Variants in LRIG2 observed in about 807,000 individuals in gnomAD.
LRIG2 encodes leucine rich repeats and immunoglobulin like domains 2.
LRIG2 carries 93 observed loss-of-function variants against 107.8 expected under a neutral mutation model. The ratio of observed to expected loss-of-function variants is 0.86; its 90% CI spans 0.73 to 1.03. The LOEUF is 1.03. Among genes scored for constraint, LRIG2 ranks in the 50% least tolerant of loss-of-function variants. The pLI is 0.00. For synonymous variants in LRIG2, 471 were observed against 470.6 expected (o/e 1.00, Z -0.01); for missense variants, 1,226 against 1,296.0 (o/e 0.95, Z 0.83).
chr1:113,119,667 C>A, intron 17 of LRIG2, 144 bp downstream of exon 17: 1 of 736,242 alleles, frequency 1.4e-6, no homozygotes, highest in Non-Finnish European at 2.2e-6. Flanking sequence ...ATGGTATAAA[C>A]TATAGCCAGA....
rs900502149 is a variant in LRIG2, at chr1:113,127,372, C to A, written c.*3271C>A. On this transcript the variant is annotated 3_prime_UTR_variant, in exon 18 of 18. Transcript: ENST00000361127. ...GTAGCTGGGATTACAGGCACACCAC[C>A]ATTTCCAGCTTTTTTTTTTTTTTTT... The A allele has an allele frequency of 2.8e-5, 4 of 142,364 alleles. No individual in the cohort carries two copies. The highest frequency in any genetic ancestry group is 1.0e-4 in the African/African-American group (4 of 38,490). The allele number at this position is 142,364 out of a possible 1,614,324, so 8.8% of individuals were successfully genotyped here. A position where few individuals can be genotyped will look rare whatever the true frequency, so the allele number is the denominator to read the frequency against.
In LRIG2 at chr1:113,098,729, A is replaced by G. The variant is rs748622971; in HGVS notation, c.1116A>G (p.Ser372=). ...QTLDLRNNEI[S]WAIEDASEAF... is the part of the protein sequence containing the mutation. ...GAGACTTAAGAAACAATGAAATTTC[A>G]TGGGCCATAGAAGATGCTAGTGAAG... Residue 372 remains serine, a synonymous_variant, in exon 9 of 18, where the codon TCA becomes TCG. Coordinates refer to ENST00000361127, the MANE Select transcript of LRIG2 (RefSeq NM_014813.3). 3 of 1,612,538 alleles carry G rather than the reference A, an allele frequency of 1.9e-6. No individual in the cohort carries two copies. Among genetic ancestry groups the G allele is most frequent in the East Asian group, 4.5e-5 (2 of 44,854 alleles).
intron 1 of LRIG2, among the ~76,000 whole-genome samples, chr1:113,079,990 A>C (rs1041302287): frequency 1.7e-4 from 24 of 145,226 alleles, no homozygotes; most frequent in Non-Finnish European, 3.1e-4. Context: ...AGTCTCCCAA[A>C]GTGCTGGGAG....
chr1:113,098,925 G>C, intron 9 of LRIG2, 140 bp downstream of exon 9: 1 of 584,868 alleles, frequency 1.7e-6, no homozygotes, highest in Non-Finnish European at 3.0e-6. Context: ...GGGTTTCTTT[G>C]TTTGTTTGTT....
At chr1:113,109,689 T>C (rs1386511107) in intron 12 of LRIG2, among the ~76,000 whole-genome samples, 1 of 152,090 alleles carries the variant, frequency 6.6e-6, no homozygotes, top group Non-Finnish European at 1.5e-5. Flanking sequence ...TGGGTAATTT[T>C]TGTGTTTTTA....
intron 8 of LRIG2, among the ~76,000 whole-genome samples, chr1:113,097,508 A>G (rs1334812539): frequency 6.6e-6 from 1 of 152,240 alleles, no homozygotes; most frequent in Non-Finnish European, 1.5e-5. Flanking sequence ...AAAAATTAAA[A>G]GTGATTGTAT....
intron 1 of LRIG2, among the ~76,000 whole-genome samples, chr1:113,076,611 C>T (rs1379687244): frequency 6.6e-6 from 1 of 152,170 alleles, no homozygotes; most frequent in South Asian, 2.1e-4. Context: ...CATTCTTCAG[C>T]AGTTGCCTTT....
At position 113,091,381 on chromosome 1, in the gene LRIG2, AGT is replaced by A. The variant is rs1653817932; in HGVS notation, c.305+1_305+2del. 1.9e-6 allele frequency: 3 copies of A among 1,573,116 alleles called. No homozygotes were observed. Among genetic ancestry groups the A allele is most frequent in the Non-Finnish European group, 2.6e-6 (3 of 1,153,088 alleles). Reference sequence around the variant, plus strand: ...GCTTGGAATCACAAACATTACAGGAAGTGTAAGTTATTTTTATTTATTTAAAG... The same window carrying A: ...GCTTGGAATCACAAACATTACAGGAAGTAAGTTATTTTTATTTATTTAAAG... ...ISLESQTLQE[V>X]KMNYNELTEI... On this transcript the variant is annotated frameshift_variant and splice_region_variant, in exon 2 of 18. Coordinates refer to ENST00000361127, the MANE Select transcript of LRIG2 (RefSeq NM_014813.3). LOFTEE classifies it high-confidence loss of function.
Position 113,096,309 on chromosome 1 carries a change from C to T in LRIG2, c.1035C>T (p.Asn345=), listed in dbSNP as rs1290474155. The T allele has an allele frequency of 1.2e-6, 2 of 1,613,988 alleles. No individual in the cohort carries two copies. The highest frequency in any genetic ancestry group is 8.5e-7 in the Non-Finnish European group (1 of 1,179,954). The stretch of plus-strand genomic sequence containing the variant: ...TGGAGAGATTGAATTTAGGAGACAA[C>T]AGAGTCACTCATATTGCTGATGGTG... ...SLLERLNLGD[N]RVTHIADGVF... The change falls in exon 8 of 18, where the codon AAC becomes AAT. Residue 345 remains asparagine, a synonymous_variant. Coordinates refer to ENST00000361127, the MANE Select transcript of LRIG2 (RefSeq NM_014813.3).
intron 15 of LRIG2, 133 bp downstream of exon 15, chr1:113,115,009 T>C: frequency 1.3e-6 from 1 of 788,398 alleles, no homozygotes; most frequent in Non-Finnish European, 2.0e-6. Flanking sequence ...CTCAGGAGGA[T>C]GAGGTGGGAG....
rs1216799 is a variant in LRIG2 at position 113,128,391 on chromosome 1, A to G, written c.*4290A>G. 148,298 of 152,258 alleles carry G rather than the reference A, an allele frequency of 0.97. 72,333 individuals carry two copies. Among genetic ancestry groups the G allele is most frequent in the East Asian group, 1 (5,174 of 5,174 alleles). The allele number at this position is 152,258 out of a possible 1,614,324, so 9.4% of individuals were successfully genotyped here. ...CCTTGTACGCTTCCTGAGTCTGCTT[A>G]TTACTGGCTTTGTAATCAAGGGTGA... On this transcript the variant is annotated 3_prime_UTR_variant, in exon 18 of 18. Coordinates refer to ENST00000361127, the MANE Select transcript of LRIG2 (RefSeq NM_014813.3).
chr1:113,094,786 G>A (rs777855514), intron 6 of LRIG2, 31 bp downstream of exon 6: 1 of 1,601,384 alleles, frequency 6.2e-7, no homozygotes, highest in Admixed American at 1.7e-5. Context: ...GTGATTATTA[G>A]GAAAGTAGTC....
chr1:113,112,775 C>T lies in LRIG2; in HGVS notation c.2080+15C>T. On this transcript the variant is annotated intron_variant, in intron 14 of 17. Transcript: ENST00000361127. ...AACAGTGTTAGGTACGTTTACTGCT[C>T]CATGGGTCCCTGCTTTTGTTGGAGT... 6.3e-7 allele frequency: 1 copy of T among 1,575,580 alleles called. No individual in the cohort carries two copies. The highest frequency in any genetic ancestry group is 8.7e-7 in the Non-Finnish European group (1 of 1,153,836).
intron 15 of LRIG2, among the ~76,000 whole-genome samples, chr1:113,115,750 T>C (rs932678701): frequency 4.6e-5 from 7 of 152,132 alleles, no homozygotes; most frequent in African/African-American, 1.7e-4. Flanking sequence ...ATGGTCTCAA[T>C]CTTTTGACCT....
chr1:113,084,829 G>T (rs1037226550), intron 1 of LRIG2, among the ~76,000 whole-genome samples: 1 of 152,154 alleles, frequency 6.6e-6, no homozygotes, highest in Non-Finnish European at 1.5e-5. Context: ...TAAAGGCTTA[G>T]CAAAATGTTT....
rs574137497 is a variant in LRIG2, at chr1:113,107,654, G to T, written c.1374G>T (p.Leu458Phe). ...ATTTGAAGTGGCTACTTCAATGGTT[G>T]GTTGATAATAACTTTCAACATTCTG... ...DCHLKWLLQW[L>F]VDNNFQHSVN... The change falls in exon 12 of 18, where the codon TTG becomes TTT. Residue 458 changes from leucine to phenylalanine, a missense_variant. By Grantham distance (22) the Leu-to-Phe change is conservative (BLOSUM62 0). This residue lies in a region of LRIG2 where 570 missense variants were observed against 550.2 expected (regional missense o/e 1.04). Transcript: ENST00000361127. 5.6e-6 allele frequency: 9 copies of T among 1,613,812 alleles called. No homozygotes were observed. The African/African-American group carries it at 1.1e-4, about 19-fold the overall frequency.
rs200543102 is a variant in LRIG2, at chr1:113,116,368, A to T, written c.2612A>T (p.Asn871Ile). ...TCTGAGCCACAGGAAGGCTACAGCAACTCTGAGGCAGGCAGTCATCAGCAA... is the reference window on the plus strand; with the variant it reads ...TCTGAGCCACAGGAAGGCTACAGCATCTCTGAGGCAGGCAGTCATCAGCAA... ...TLSEPQEGYS[N>I]SEAGSHQQLM... The change falls in exon 16 of 18, where the codon AAC becomes ATC. Residue 871 changes from asparagine (N) to isoleucine (I), a missense_variant. Transcript: ENST00000361127. The T allele has an allele frequency of 1.2e-6, 2 of 1,613,858 alleles. No individual in the cohort carries two copies. The highest frequency in any genetic ancestry group is 1.7e-6 in the Non-Finnish European group (2 of 1,179,942).
At chr1:113,116,212 C>G in intron 15 of LRIG2, 75 bp from the exon 16 acceptor site, 1 of 1,336,316 alleles carries the variant, frequency 7.5e-7, no homozygotes, top group South Asian at 1.4e-5. Flanking sequence ...CAAAGTGGAA[C>G]ACATTTGCAA....
intron 1 of LRIG2, among the ~76,000 whole-genome samples, chr1:113,083,369 G>A (rs931946817): frequency 5.3e-5 from 6 of 113,966 alleles, no homozygotes; most frequent in African/African-American, 1.6e-4. Context: ...TTTTTGAGAC[G>A]GAGTCTTGTT....
Sources: gnomAD v4.1 joint callset for allele counts (sites outside exome capture counted in the v4.1 genomes callset) on GRCh38, gnomAD v4.1.1 for gene constraint, gnomAD v4.1.1 regional missense constraint, MANE v1.5 for transcripts, NCBI Gene and HGNC (gene_info 2026-07-23, HGNC 2026-07-21) for gene names.